The following ARMH3 variants were observed in gnomAD, a reference collection of about 807,000 sequenced individuals.
The protein encoded by ARMH3 is armadillo-like helical domain-containing protein 3.
Under a neutral mutation model 99.1 loss-of-function variants are expected in ARMH3, and 60 were observed. The ratio of observed to expected loss-of-function variants is 0.61; its 90% CI spans 0.49 to 0.75. The LOEUF is 0.75. Among genes scored for constraint, ARMH3 ranks in the 30% least tolerant of loss-of-function variants. The probability of loss-of-function intolerance (pLI) is 0.00; values close to 1 mark genes in which losing one functional copy is unlikely to be tolerated. For missense variants in ARMH3, 679 were observed against 843.1 expected (o/e 0.81, Z 2.41); for synonymous variants, 285 against 292.8 (o/e 0.97, Z 0.27).
chr10:101,915,835 G>A (rs1459227795), intron 23 of ARMH3, among the ~76,000 whole-genome samples: 4 of 132,718 alleles, frequency 3.0e-5, no homozygotes, highest in South Asian at 4.7e-4. Context: ...ACGGAGTCTC[G>A]CTCTCTCACC....
chr10:102,007,353 A>AC (rs1554888334), intron 13 of ARMH3, among the ~76,000 whole-genome samples: 1 of 149,968 alleles, frequency 6.7e-6, no homozygotes, highest in African/African-American at 2.5e-5. Context: ...AAAAAAAAAA[A>AC]CTGGGGTCAA....
At position 101,990,564 on chromosome 10, in the gene ARMH3, T is replaced by C. The variant is rs1169828777; in HGVS notation, c.1393A>G (p.Met465Val). ...ATTTGTACTTACATATAGAGATCCA[T>C]AGGAAACTCCTTCATCATGTGTGTT... Reference protein sequence around the residue: ...IVTHMMKEFPMDLYIRCIQVV... With the variant: ...IVTHMMKEFPVDLYIRCIQVV... The change falls in exon 19 of 26, where the codon ATG becomes GTG. Residue 465 changes from methionine (M) to valine (V), a missense_variant. Met to Val is a conservative substitution (Grantham distance 21, BLOSUM62 1). This residue lies in a region of ARMH3 where 389 missense variants were observed against 456.5 expected (regional missense o/e 0.85). Transcript: ENST00000370033. 4.4e-6 allele frequency: 7 copies of C among 1,597,412 alleles called. No individual in the cohort carries two copies. The highest frequency in any genetic ancestry group is 2.2e-5 in the East Asian group (1 of 44,796).
chr10:102,033,384 A>G, intron 2 of ARMH3, 45 bp from the exon 3 acceptor site: 1 of 1,576,140 alleles, frequency 6.3e-7, no homozygotes, highest in South Asian at 1.1e-5. Context: ...AGCTAACACC[A>G]AAAGCATTAA....
rs1289477831 is a variant in ARMH3, at chr10:102,049,529, G to A, written c.-12+6556C>T. Among the ~76,000 whole-genome samples the A allele has an allele frequency of 4.6e-5, 7 of 150,858 alleles. 1 individual carries two copies. The highest frequency in any genetic ancestry group is 9.8e-5 in the African/African-American group (4 of 41,004). On this transcript the variant is annotated intron_variant, in intron 1 of 25. Transcript: ENST00000370033. ...TGCACTCCAGCCTGGGGGATAGAGC[G>A]AGACTCTGTTTCCAAAAAAAAAGAA...
chr10:101,882,923 G>A (rs1396377111), intron 24 of ARMH3, among the ~76,000 whole-genome samples: 1 of 152,158 alleles, frequency 6.6e-6, no homozygotes, highest in Non-Finnish European at 1.5e-5. Flanking sequence ...TTTTAAAAAG[G>A]ACATATGCAT....
rs2066484533 is a variant in ARMH3, at chr10:101,847,291, C to T, written c.*237G>A. Reference sequence around the variant, plus strand: ...AGGGAGCCCACTCTGGAAGTCCCCACATTCCTGGAGGCCTCTCCCCACTGT... The same window carrying T: ...AGGGAGCCCACTCTGGAAGTCCCCATATTCCTGGAGGCCTCTCCCCACTGT... On this transcript the variant is annotated 3_prime_UTR_variant, in exon 26 of 26. Transcript: ENST00000370033. 4.2e-6 allele frequency: 2 copies of T among 470,692 alleles called. No individual in the cohort carries two copies. The highest frequency in any genetic ancestry group is 5.1e-5 in the South Asian group (2 of 39,298). 29.2% of individuals were successfully genotyped at this position (470,692 alleles called of 1,614,324 possible). A position where few individuals can be genotyped will look rare whatever the true frequency, so the allele number is the denominator to read the frequency against.
chr10:102,036,177 G>A (rs1348814248), intron 2 of ARMH3, among the ~76,000 whole-genome samples: 8 of 135,640 alleles, frequency 5.9e-5, no homozygotes, highest in Non-Finnish European at 9.8e-5. Flanking sequence ...GTCAGCCCCC[G>A]CCCGGCCAGC....
chr10:101,940,315 G>C (rs1844180153), intron 22 of ARMH3, among the ~76,000 whole-genome samples: 1 of 152,158 alleles, frequency 6.6e-6, no homozygotes, highest in Non-Finnish European at 1.5e-5. Flanking sequence ...AATGGTGGGG[G>C]CTGATTTAGT....
intron 23 of ARMH3, among the ~76,000 whole-genome samples, chr10:101,938,953 T>C (rs1288725810): frequency 6.6e-6 from 1 of 152,110 alleles, no homozygotes; most frequent in Non-Finnish European, 1.5e-5. Flanking sequence ...AACAGGGTAG[T>C]AAATCACTGC....
intron 19 of ARMH3, among the ~76,000 whole-genome samples, chr10:101,976,549 G>A (rs1846022537): frequency 6.6e-6 from 1 of 151,892 alleles, no homozygotes; most frequent in African/African-American, 2.4e-5. Context: ...ACCTTTCCAG[G>A]GGAAAAGGAT....
intron 8 of ARMH3, 28 bp downstream of exon 8, chr10:102,023,449 A>T: frequency 6.3e-7 from 1 of 1,584,600 alleles, no homozygotes; most frequent in Admixed American, 1.7e-5. Flanking sequence ...TAGGCAGATA[A>T]CAACTGTCCA....
intron 20 of ARMH3, among the ~76,000 whole-genome samples, chr10:101,958,504 C>G (rs1246378650): frequency 6.6e-6 from 1 of 152,178 alleles, no homozygotes; most frequent in Non-Finnish European, 1.5e-5. Context: ...TATACTCATT[C>G]ACCTAGCACA....
At chr10:101,868,990 T>G (rs1431446447) in intron 24 of ARMH3, among the ~76,000 whole-genome samples, 1 of 151,132 alleles carries the variant, frequency 6.6e-6, no homozygotes, top group African/African-American at 2.4e-5. Context: ...AAGAATCGTT[T>G]GAACCCGGGA....
At chr10:101,934,329 G>T (rs1339838977) in intron 23 of ARMH3, among the ~76,000 whole-genome samples, 1 of 152,120 alleles carries the variant, frequency 6.6e-6, no homozygotes, top group African/African-American at 2.4e-5. Context: ...GGGTGGGTGA[G>T]GGGACCACTT....
At chr10:101,957,571 A>C (rs1329228045) in intron 21 of ARMH3, 79 bp downstream of exon 21, 53 of 1,479,228 alleles carry the variant, frequency 3.6e-5, no homozygotes, top group Non-Finnish European at 4.5e-5. Flanking sequence ...TCCCCAGACC[A>C]CCAGCTCCTG....
chr10:102,023,645 C>T (rs1213665467), intron 7 of ARMH3, 30 bp downstream of exon 7: 2 of 1,610,460 alleles, frequency 1.2e-6, no homozygotes, highest in Non-Finnish European at 1.7e-6. Flanking sequence ...GGTGGTTTAC[C>T]CCAAAGAGAG....
chr10:101,894,050 C>T (rs1307517818), intron 23 of ARMH3, among the ~76,000 whole-genome samples: 1 of 152,138 alleles, frequency 6.6e-6, no homozygotes, highest in Non-Finnish European at 1.5e-5. Flanking sequence ...ACCAGGCAGG[C>T]TGAGAAACTG....
intron 24 of ARMH3, among the ~76,000 whole-genome samples, chr10:101,879,536 G>C (rs978519418): frequency 1.3e-5 from 2 of 151,884 alleles, no homozygotes; most frequent in Non-Finnish European, 2.9e-5. Flanking sequence ...ATTTTTAGTA[G>C]AGATGGGTTT....
chr10:102,028,897 G>C (rs573584054), intron 5 of ARMH3, among the ~76,000 whole-genome samples: 17 of 152,188 alleles, frequency 1.1e-4, no homozygotes, highest in African/African-American at 4.1e-4. Flanking sequence ...TTTGAGACAG[G>C]GTCTTGCTCT....
Sources: allele counts gnomAD v4.1 joint callset (sites outside exome capture counted in the v4.1 genomes callset), GRCh38; gene constraint gnomAD v4.1.1; regional missense constraint gnomAD v4.1.1; transcripts MANE v1.5; gene names NCBI Gene and HGNC (gene_info 2026-07-23, HGNC 2026-07-21).